Variants in USP54 observed in about 807,000 individuals in gnomAD.
The protein encoded by USP54 is ubiquitin carboxyl-terminal hydrolase 54.
Under a neutral mutation model 170.5 loss-of-function variants are expected in USP54, and 87 were observed. The observed-to-expected ratio is 0.51, with a 90% CI of 0.43 to 0.61. The LOEUF (loss-of-function observed/expected upper bound fraction) is 0.61, where lower values mean the gene tolerates loss of function less well. Ranked by LOEUF, USP54 falls within the 20% of genes least tolerant of loss-of-function variation. USP54 has a pLI of 0.00. For missense variants in USP54, 1,786 were observed against 2,047.8 expected (o/e 0.87, Z 2.47); for synonymous variants, 655 against 742.8 (o/e 0.88, Z 1.92).
At chr10:73,567,768 T>A (rs1267448958) in intron 4 of USP54, among the ~76,000 whole-genome samples, 2 of 152,202 alleles carry the variant, frequency 1.3e-5, no homozygotes, top group African/African-American at 4.8e-5. Flanking sequence ...AGATTGAGTT[T>A]TTTTGTAACA....
rs1282587346 is a variant in USP54 at position 73,504,856 on chromosome 10, G to C, written c.4305C>G (p.His1435Gln). The C allele has an allele frequency of 2.5e-6, 4 of 1,614,036 alleles. No homozygotes were observed. In the Admixed American group the frequency reaches 6.7e-5, roughly 27 times the overall value. Reference sequence around the variant, plus strand: ...GGACCCTGATTCTACTTACAAAACTGTGGGAAGAAACCGGAGCTTCCTCCC... The same window carrying C: ...GGACCCTGATTCTACTTACAAAACTCTGGGAAGAAACCGGAGCTTCCTCCC... ...SEREEAPVSS[H>Q]SFDSSNVRKP... Residue 1435 changes from histidine to glutamine, a missense_variant, in exon 22 of 24, where the codon CAC (histidine) becomes CAG (glutamine). Coordinates refer to ENST00000687698, the MANE Select transcript of USP54 (RefSeq NM_001391956.1).
At chr10:73,546,990 T>C (rs1421503182) in intron 4 of USP54, among the ~76,000 whole-genome samples, 1 of 152,232 alleles carries the variant, frequency 6.6e-6, no homozygotes, top group Non-Finnish European at 1.5e-5. Context: ...TCCTTTGTAT[T>C]ACTTGTGGCA....
intron 1 of USP54, among the ~76,000 whole-genome samples, chr10:73,607,136 C>T (rs1192207700): frequency 6.6e-6 from 1 of 150,566 alleles, no homozygotes; most frequent in African/African-American, 2.4e-5. Flanking sequence ...ATGGTGAAAC[C>T]CCATCACTAC....
intron 4 of USP54, chr10:73,546,785 C>T (rs1237027006): frequency 6.6e-6 from 1 of 152,136 alleles, no homozygotes; most frequent in Non-Finnish European, 1.5e-5. Context: ...TTTATCGGGT[C>T]ACTAACCCAC....
intron 4 of USP54, among the ~76,000 whole-genome samples, chr10:73,565,241 GAATGGTAGTTCATGCCTGT>G (rs1049789044): frequency 2.5e-4 from 38 of 152,068 alleles, no homozygotes; most frequent in African/African-American, 6.8e-4. Context: ...TCTGGGCCAG[GAATGGTAGTTCATGCCTGT>G]AATCCCAGCA....
intron 22 of USP54, among the ~76,000 whole-genome samples, chr10:73,501,298 C>T (rs1477796960): frequency 6.6e-6 from 1 of 152,196 alleles, no homozygotes; most frequent in Non-Finnish European, 1.5e-5. Flanking sequence ...TCTCCTGTCA[C>T]TGCTACACAT....
chr10:73,542,224 G>T (rs748633543), intron 7 of USP54, among the ~76,000 whole-genome samples: 1 of 152,046 alleles, frequency 6.6e-6, no homozygotes, highest in Non-Finnish European at 1.5e-5. Flanking sequence ...TCAGCCTTCA[G>T]AATAGCTGGG....
At chr10:73,622,557 C>G (rs903385611) in intron 1 of USP54, among the ~76,000 whole-genome samples, 4 of 152,050 alleles carry the variant, frequency 2.6e-5, no homozygotes, top group Non-Finnish European at 5.9e-5. Context: ...CTCCTGACCT[C>G]AACTGATCCG....
At chr10:73,578,016 G>A (rs1373727191) in intron 1 of USP54, among the ~76,000 whole-genome samples, 1 of 152,200 alleles carries the variant, frequency 6.6e-6, no homozygotes, top group Non-Finnish European at 1.5e-5. Context: ...GGCAGGTGGG[G>A]TTTCCAATAT....
intron 1 of USP54, among the ~76,000 whole-genome samples, chr10:73,616,652 T>C (rs1589418866): frequency 6.7e-6 from 1 of 149,872 alleles, no homozygotes; most frequent in Admixed American, 6.6e-5. Context: ...AAAATTAAAT[T>C]AAATTCTAAA....
At chr10:73,519,522 C>T (rs1213567097) in intron 19 of USP54, 6 of 430,884 alleles carry the variant, frequency 1.4e-5, no homozygotes, top group Non-Finnish European at 2.6e-5. Flanking sequence ...ATATAATAAT[C>T]GCGTTATTAC....
intron 17 of USP54, 113 bp from the exon 18 acceptor site, chr10:73,521,140 TTATTCCAACTGTC>T: frequency 7.3e-7 from 1 of 1,375,694 alleles, no homozygotes; most frequent in Admixed American, 2.1e-5. Context: ...TGGTCTACCC[TTATTCCAACTGTC>T]TATTCCTATT....
upstream of USP54, among the ~76,000 whole-genome samples, chr10:73,592,131 G>A (rs1009477001): frequency 4.6e-5 from 7 of 151,920 alleles, no homozygotes; most frequent in Non-Finnish European, 7.4e-5. Context: ...TCAGTCAACC[G>A]AGAACTTGCA....
intron 20 of USP54, among the ~76,000 whole-genome samples, chr10:73,512,193 G>A (rs189565790): frequency 4.0e-5 from 6 of 151,704 alleles, no homozygotes; most frequent in Admixed American, 1.3e-4. Flanking sequence ...AGGCTGGAGC[G>A]CAGTAGCATG....
At chr10:73,513,811 A>AT (rs901191811) in intron 20 of USP54, among the ~76,000 whole-genome samples, 3 of 151,576 alleles carry the variant, frequency 2.0e-5, no homozygotes, top group East Asian at 1.9e-4. Flanking sequence ...GGTAATACAA[A>AT]TTTTTTTTTG....
intron 1 of USP54, among the ~76,000 whole-genome samples, chr10:73,590,929 T>C (rs1053216427): frequency 6.6e-6 from 1 of 152,082 alleles, no homozygotes; most frequent in Non-Finnish European, 1.5e-5. Flanking sequence ...CCTTCTTCTG[T>C]TTGAAGGAAA....
At chr10:73,599,731 CTA>C (rs1481711051) in intron 1 of USP54, among the ~76,000 whole-genome samples, 2 of 151,376 alleles carry the variant, frequency 1.3e-5, no homozygotes, top group Non-Finnish European at 2.9e-5. Flanking sequence ...TAATAATAAT[CTA>C]TATATTTATT....
At chr10:73,584,523 C>G (rs939424529) in intron 1 of USP54, among the ~76,000 whole-genome samples, 1 of 152,144 alleles carries the variant, frequency 6.6e-6, no homozygotes, top group East Asian at 1.9e-4. Flanking sequence ...AAACCTGTTT[C>G]TCAGAGCTAA....
At chr10:73,503,956 T>C (rs768141102) in intron 22 of USP54, among the ~76,000 whole-genome samples, 33 of 152,146 alleles carry the variant, frequency 2.2e-4, no homozygotes, top group Non-Finnish European at 3.7e-4. Context: ...CCTCAGGTGA[T>C]CCACCATCCT....
Sources: allele counts gnomAD v4.1 joint callset (sites outside exome capture counted in the v4.1 genomes callset), GRCh38; gene constraint gnomAD v4.1.1; transcripts MANE v1.5; gene names NCBI Gene and HGNC (gene_info 2026-07-23, HGNC 2026-07-21).